The following GREM2 variants were observed in gnomAD, a reference collection of about 807,000 sequenced individuals.
The protein encoded by GREM2 is gremlin 2, DAN family BMP antagonist.
Under a neutral mutation model 14.2 loss-of-function variants are expected in GREM2, and 11 were observed. The observed-to-expected ratio is 0.78, with a 90% confidence interval of 0.49 to 1.28. The LOEUF is 1.28. Ranked by LOEUF, GREM2 falls within the 50% of genes most tolerant of loss-of-function variation. GREM2 has a pLI of 0.00. For synonymous variants in GREM2, 98 were observed against 97.6 expected (o/e 1.00, Z -0.02); for missense variants, 210 against 218.5 (o/e 0.96, Z 0.24).
At chr1:240,510,321 G>C (rs897954333) in intron 1 of GREM2, among the ~76,000 whole-genome samples, 4 of 122,750 alleles carry the variant, frequency 3.3e-5, no homozygotes, top group African/African-American at 1.2e-4. Flanking sequence ...ACTGAGCAGA[G>C]ATCGCGCCAC....
At position 240,564,507 on chromosome 1, in the gene GREM2, C is replaced by CAAA. The variant is rs35623408; in HGVS notation, c.-2+47374_-2+47376dup. Among the ~76,000 whole-genome samples, 11 of 138,152 alleles carry CAAA rather than the reference C, an allele frequency of 8.0e-5. No homozygotes were observed. The East Asian group carries it at 1.3e-3, about 16-fold the overall frequency. 90.6% of individuals were successfully genotyped at this position (138,152 alleles called of 152,430 possible). On this transcript the variant is annotated intron_variant, in intron 1 of 1. Coordinates refer to ENST00000318160, the MANE Select transcript of GREM2 (RefSeq NM_022469.4). Reference sequence around the variant, plus strand: ...TGGGTGACACAGCAAGACCCTGTCTCAAAAAAAAAAAAAATTAAAATAAAT... The same window carrying CAAA: ...TGGGTGACACAGCAAGACCCTGTCTCAAAAAAAAAAAAAAAAATTAAAATAAAT...
At chr1:240,511,692 G>T (rs1677834679) in intron 1 of GREM2, among the ~76,000 whole-genome samples, 1 of 152,316 alleles carries the variant, frequency 6.6e-6, no homozygotes, top group Non-Finnish European at 1.5e-5. Context: ...GGTGGAGTTT[G>T]CGGTAAGCCG....
chr1:240,582,198 G>C (rs950715534), intron 1 of GREM2, among the ~76,000 whole-genome samples: 15 of 152,238 alleles, frequency 9.9e-5, no homozygotes, highest in Non-Finnish European at 1.6e-4. Flanking sequence ...AGCACTTTGG[G>C]AGGCCAAGGC....
chr1:240,591,014 T>A (rs1679702534), intron 1 of GREM2, among the ~76,000 whole-genome samples: 1 of 149,770 alleles, frequency 6.7e-6, no homozygotes, highest in Non-Finnish European at 1.5e-5. Context: ...ATGCCTGACC[T>A]CATGATCTGC....
intron 1 of GREM2, among the ~76,000 whole-genome samples, chr1:240,514,193 G>A (rs1266530455): frequency 6.9e-6 from 1 of 145,818 alleles, no homozygotes; most frequent in African/African-American, 2.6e-5. Context: ...GTTTCAGTGA[G>A]CTGAGATTGC....
intron 1 of GREM2, among the ~76,000 whole-genome samples, chr1:240,568,083 T>C (rs1339025823): frequency 6.6e-6 from 1 of 152,166 alleles, no homozygotes; most frequent in Non-Finnish European, 1.5e-5. Context: ...CACTCCAGCC[T>C]GGGTGACAGA....
intron 1 of GREM2, among the ~76,000 whole-genome samples, chr1:240,522,453 A>C (rs1399172413): frequency 1.3e-5 from 2 of 152,164 alleles, no homozygotes; most frequent in Non-Finnish European, 2.9e-5. Flanking sequence ...ACCAACATCT[A>C]GTGGTAAAAT....
chr1:240,562,646 T>G (rs1269773742), intron 1 of GREM2, among the ~76,000 whole-genome samples: 1 of 152,196 alleles, frequency 6.6e-6, no homozygotes, highest in African/African-American at 2.4e-5. Flanking sequence ...GGAAATTATA[T>G]TTGACATAGG....
chr1:240,493,397 C>T lies in GREM2; in HGVS notation c.79G>A (p.Ala27Thr). ...KVAEARKNRP[A>T]GAIPSPYKDG... ...TTGTAAGGCGAGGGGATGGCGCCCG[C>T]CGGCCGGTTCTTCCGGGCTTCCGCC... Residue 27 changes from alanine to threonine, a missense_variant, in exon 2 of 2, where the codon GCG becomes ACG. By Grantham distance (58) the Ala-to-Thr change is moderately conservative. Transcript: ENST00000318160. 1 of 1,613,566 alleles carries T rather than the reference C, an allele frequency of 6.2e-7. No homozygotes were observed. The highest frequency in any genetic ancestry group is 8.5e-7 in the Non-Finnish European group (1 of 1,179,914).
At chr1:240,499,166 A>T (rs570609516) in intron 1 of GREM2, among the ~76,000 whole-genome samples, 118 of 152,326 alleles carry the variant, frequency 7.7e-4, no homozygotes, top group African/African-American at 2.7e-3. Flanking sequence ...AAACTTCCTG[A>T]TTTCTAGGAA....
intron 1 of GREM2, among the ~76,000 whole-genome samples, chr1:240,539,164 C>T (rs180813506): frequency 1.8e-4 from 27 of 152,270 alleles, no homozygotes; most frequent in African/African-American, 6.5e-4. Flanking sequence ...AGCCAGGCCC[C>T]CATCATTCCA....
At chr1:240,569,342 C>T (rs1352651551) in intron 1 of GREM2, among the ~76,000 whole-genome samples, 1 of 151,992 alleles carries the variant, frequency 6.6e-6, no homozygotes, top group Admixed American at 6.5e-5. Context: ...GAGATATTTA[C>T]AAGATGATTC....
At chr1:240,528,032 T>C (rs1423295585) in intron 1 of GREM2, among the ~76,000 whole-genome samples, 9 of 152,146 alleles carry the variant, frequency 5.9e-5, no homozygotes, top group Admixed American at 5.9e-4. Context: ...AAAAACACAA[T>C]ACTTATAATA....
intron 1 of GREM2, among the ~76,000 whole-genome samples, chr1:240,502,012 C>T (rs1005407913): frequency 6.6e-6 from 1 of 152,002 alleles, no homozygotes; most frequent in African/African-American, 2.4e-5. Context: ...GACTGCTGCC[C>T]GAAACACCAA....
Position 240,508,293 on chromosome 1 carries a change from T to C in GREM2, c.-1-14817A>G, listed in dbSNP as rs935185135. ...AATGTTTCAGAGAAACTGTAGATGT[T>C]GTATTTGCTCATATTCAAACAGCCA... On this transcript the variant is annotated intron_variant, in intron 1 of 1. Transcript: ENST00000318160. Among the ~76,000 whole-genome samples, 9 of 152,216 alleles carry C rather than the reference T, an allele frequency of 5.9e-5. 1 individual carries two copies. Among genetic ancestry groups the C allele is most frequent in the Admixed American group, 5.9e-4 (9 of 15,274 alleles).
chr1:240,558,216 A>G (rs1353658435), intron 1 of GREM2, among the ~76,000 whole-genome samples: 3 of 152,066 alleles, frequency 2.0e-5, no homozygotes, highest in Non-Finnish European at 4.4e-5. Context: ...ACTTCATAAC[A>G]TAAGTGTGTT....
intron 1 of GREM2, among the ~76,000 whole-genome samples, chr1:240,527,819 TC>T (rs1490206589): frequency 6.6e-6 from 1 of 152,140 alleles, no homozygotes; most frequent in Non-Finnish European, 1.5e-5. Flanking sequence ...AAAACTCAAA[TC>T]CAAGTGTCGT....
intron 1 of GREM2, among the ~76,000 whole-genome samples, chr1:240,538,909 A>G (rs1678534020): frequency 1.3e-5 from 2 of 152,188 alleles, no homozygotes; most frequent in African/African-American, 4.8e-5. Context: ...CAAATGAACA[A>G]TTTCTAGATA....
At chr1:240,555,085 C>T (rs1279955766) in intron 1 of GREM2, among the ~76,000 whole-genome samples, 6 of 152,004 alleles carry the variant, frequency 3.9e-5, no homozygotes, top group South Asian at 2.1e-4. Context: ...GCATGGGTTG[C>T]AGTGAGCTGA....
Sources: gnomAD v4.1 joint callset for allele counts (sites outside exome capture counted in the v4.1 genomes callset) on GRCh38, gnomAD v4.1.1 for gene constraint, MANE v1.5 for transcripts, NCBI Gene and HGNC (gene_info 2026-07-23, HGNC 2026-07-21) for gene names.